Variants in SCN8A observed in about 807,000 individuals in gnomAD.
SCN8A encodes sodium voltage-gated channel alpha subunit 8.
In SCN8A, 30 loss-of-function variants were observed where a neutral mutation model predicts 184.1. The observed-to-expected ratio is 0.16, with a 90% CI of 0.12 to 0.22. The LOEUF is 0.22. Ranked by LOEUF, SCN8A falls within the 10% of genes least tolerant of loss-of-function variation. SCN8A has a pLI of 1.00. For missense variants in SCN8A, 1,057 were observed against 2,498.9 expected (o/e 0.42, Z 12.30); for synonymous variants, 852 against 907.0 (o/e 0.94, Z 1.09).
At chr12:51,623,636 T>C (rs1940011771) in intron 1 of SCN8A, among the ~76,000 whole-genome samples, 1 of 152,200 alleles carries the variant, frequency 6.6e-6, no homozygotes, top group Non-Finnish European at 1.5e-5. Flanking sequence ...TATTATACTT[T>C]AAGTTTTAGG....
intron 13 of SCN8A, among the ~76,000 whole-genome samples, chr12:51,750,014 G>A (rs998085542): frequency 6.6e-6 from 1 of 152,202 alleles, no homozygotes; most frequent in Non-Finnish European, 1.5e-5. Context: ...TGCTTAATTT[G>A]AGGAGAGCTT....
intron 13 of SCN8A, among the ~76,000 whole-genome samples, chr12:51,748,103 AC>A (rs1228703759): frequency 6.6e-6 from 1 of 152,184 alleles, no homozygotes; most frequent in Admixed American, 6.5e-5. Context: ...TGAATGGCTG[AC>A]CGGAATCACG....
At chr12:51,799,917 T>G (rs1289586687) in intron 26 of SCN8A, among the ~76,000 whole-genome samples, 1 of 152,330 alleles carries the variant, frequency 6.6e-6, no homozygotes, top group East Asian at 1.9e-4. Flanking sequence ...TGAATTTTAG[T>G]CTGATTTATT....
chr12:51,661,422 C>T lies in SCN8A; in HGVS notation c.-54-1342C>T, dbSNP rs114260563. Among the ~76,000 whole-genome samples, 1,168 of 152,272 alleles carry T rather than the reference C, an allele frequency of 7.7e-3. 15 individuals carry two copies. Among genetic ancestry groups the T allele is most frequent in the African/African-American group, 0.027 (1,102 of 41,542 alleles). The stretch of plus-strand genomic sequence containing the variant: ...CCCTCATACAGACACTACACACTGT[C>T]TTGCAACACTTAGCAATCACCACTG... On this transcript the variant is annotated intron_variant, in intron 1 of 26. Transcript: ENST00000627620.
At chr12:51,599,946 A>G (rs1473135613) in intron 1 of SCN8A, among the ~76,000 whole-genome samples, 1 of 152,204 alleles carries the variant, frequency 6.6e-6, no homozygotes, top group Admixed American at 6.5e-5. Flanking sequence ...TGTTTTAAAG[A>G]TTAGAGATAG....
chr12:51,760,738 G>A (rs1180349560), intron 14 of SCN8A, among the ~76,000 whole-genome samples: 1 of 152,022 alleles, frequency 6.6e-6, no homozygotes, highest in African/African-American at 2.4e-5. Context: ...TATGAACTTT[G>A]ATTTTACTTA....
chr12:51,769,309 G>C lies in SCN8A; in HGVS notation c.3346G>C (p.Glu1116Gln). ...CCTCAACACAGAGGATGTTAGCAGC[G>C]AGTCGGATCCTGAAGGCAGCAAAGA... Reference protein sequence around the residue: ...ENLNTEDVSSESDPEGSKDKL... With the variant: ...ENLNTEDVSSQSDPEGSKDKL... Residue 1116 changes from glutamate to glutamine, a missense_variant, in exon 17 of 27, where the codon GAG (glutamate) becomes CAG (glutamine). Coordinates refer to ENST00000627620, the MANE Select transcript of SCN8A (RefSeq NM_001330260.2). 1 of 1,597,330 alleles carries C rather than the reference G, an allele frequency of 6.3e-7. No homozygotes were observed. Among genetic ancestry groups the C allele is most frequent in the Non-Finnish European group, 8.6e-7 (1 of 1,168,232 alleles).
At chr12:51,608,021 C>CTTTTTTTTTTTT (rs749172465) in intron 1 of SCN8A, among the ~76,000 whole-genome samples, 14 of 133,472 alleles carry the variant, frequency 1.0e-4, no homozygotes, top group South Asian at 4.8e-4. Context: ...TTTCTTTTTC[C>CTTTTTTTTTTTT]TTTTTTTTTT....
intron 1 of SCN8A, among the ~76,000 whole-genome samples, chr12:51,661,187 T>C (rs886298996): frequency 1.3e-5 from 2 of 152,188 alleles, no homozygotes; most frequent in Admixed American, 6.5e-5. Flanking sequence ...GACCCCACCT[T>C]TCCTCATCTA....
intron 1 of SCN8A, among the ~76,000 whole-genome samples, chr12:51,632,059 CAGAG>C (rs765971075): frequency 3.9e-5 from 6 of 152,076 alleles, no homozygotes; most frequent in Non-Finnish European, 7.4e-5. Context: ...ATGCTTTTCC[CAGAG>C]AGATTGTGGC....
chr12:51,628,669 G>A (rs1940131847), intron 1 of SCN8A, among the ~76,000 whole-genome samples: 1 of 152,100 alleles, frequency 6.6e-6, no homozygotes, highest in South Asian at 2.1e-4. Context: ...GAAGAGTTGA[G>A]TATTGGTGTC....
chr12:51,672,298 A>G (rs1183220324), intron 2 of SCN8A, among the ~76,000 whole-genome samples: 1 of 152,170 alleles, frequency 6.6e-6, no homozygotes, highest in Non-Finnish European at 1.5e-5. Flanking sequence ...CTTTCATGAT[A>G]TTATAAGATC....
chr12:51,628,116 T>A (rs1461196552), intron 1 of SCN8A, among the ~76,000 whole-genome samples: 1 of 152,138 alleles, frequency 6.6e-6, no homozygotes, highest in Non-Finnish European at 1.5e-5. Context: ...TTTAAGACAT[T>A]GTAGGTTTAG....
intron 6 of SCN8A, among the ~76,000 whole-genome samples, chr12:51,692,960 A>C (rs1230924003): frequency 6.6e-6 from 1 of 152,168 alleles, no homozygotes; most frequent in African/African-American, 2.4e-5. Flanking sequence ...GCACTTATTT[A>C]ATTTCATTCC....
intron 26 of SCN8A, among the ~76,000 whole-genome samples, chr12:51,804,954 TTA>T (rs1371629929): frequency 1.1e-5 from 1 of 88,294 alleles, no homozygotes; most frequent in Admixed American, 1.4e-4. Context: ...ATTGCTAGCA[TTA>T]GAGAATAAGT....
chr12:51,669,078 A>G (rs1257750309), intron 2 of SCN8A, among the ~76,000 whole-genome samples: 1 of 152,190 alleles, frequency 6.6e-6, no homozygotes, highest in African/African-American at 2.4e-5. Flanking sequence ...GTATTTCTGT[A>G]TCTAAACATA....
rs775782402 is a variant in SCN8A, at chr12:51,769,209, C to A, written c.3246C>A (p.Asp1082Glu). ...SSVEKYIIDEDHMSFINNPNL... is the reference protein window; with the variant it reads ...SSVEKYIIDEEHMSFINNPNL... ...TGGAGAAGTACATCATTGATGAGGACCACATGTCCTTCATCAACAACCCCA... is the reference window on the plus strand; with the variant it reads ...TGGAGAAGTACATCATTGATGAGGAACACATGTCCTTCATCAACAACCCCA... The change falls in exon 17 of 27, where the codon GAC becomes GAA. Residue 1082 changes from aspartate (D) to glutamate (E), a missense_variant. Physicochemically the swap from Asp to Glu is conservative, Grantham distance 45. This residue lies in a region of SCN8A where 178 missense variants were observed against 259.6 expected (regional missense o/e 0.69). Coordinates refer to ENST00000627620, the MANE Select transcript of SCN8A (RefSeq NM_001330260.2). 3 of 1,613,906 alleles carry A rather than the reference C, an allele frequency of 1.9e-6. No homozygotes were observed. Among genetic ancestry groups the A allele is most frequent in the Non-Finnish European group, 2.5e-6 (3 of 1,179,818 alleles).
chr12:51,606,969 C>T lies in SCN8A; in HGVS notation c.-55+15610C>T, dbSNP rs185465801. On this transcript the variant is annotated intron_variant, in intron 1 of 26. Coordinates refer to ENST00000627620, the MANE Select transcript of SCN8A (RefSeq NM_001330260.2). Reference sequence around the variant, plus strand: ...CTGGAGTTCAGTGGCACGATCTCAGCTCACTGCAACCTCTGCCTCCCGGGC... The same window carrying T: ...CTGGAGTTCAGTGGCACGATCTCAGTTCACTGCAACCTCTGCCTCCCGGGC... Among the ~76,000 whole-genome samples the T allele has an allele frequency of 4.7e-3, 709 of 151,718 alleles. 8 individuals carry two copies. The highest frequency in any genetic ancestry group is 0.016 in the African/African-American group (680 of 41,248).
intron 12 of SCN8A, among the ~76,000 whole-genome samples, chr12:51,737,701 A>G (rs1942350412): frequency 1.3e-5 from 2 of 152,318 alleles, no homozygotes; most frequent in East Asian, 1.9e-4. Context: ...GAGAAATTGA[A>G]TTTTGTAAGT....
Sources: allele counts gnomAD v4.1 joint callset (sites outside exome capture counted in the v4.1 genomes callset), GRCh38; gene constraint gnomAD v4.1.1; regional missense constraint gnomAD v4.1.1; transcripts MANE v1.5; gene names NCBI Gene and HGNC (gene_info 2026-07-23, HGNC 2026-07-21).